Variants in PPP2R1B observed in about 807,000 individuals in gnomAD.
PPP2R1B encodes serine/threonine-protein phosphatase 2A 65 kDa regulatory subunit A beta isoform.
Under a neutral mutation model 72.7 loss-of-function variants are expected in PPP2R1B, and 58 were observed. That is an observed-to-expected ratio of 0.80 (90% CI 0.65 to 0.99). The LOEUF (loss-of-function observed/expected upper bound fraction) is 0.99, where lower values mean the gene tolerates loss of function less well. Among genes scored for constraint, PPP2R1B ranks in the 50% least tolerant of loss-of-function variants. The pLI is 0.00. For synonymous variants in PPP2R1B, 256 were observed against 264.6 expected, an observed-to-expected ratio of 0.97 and a Z score of 0.32; for missense variants, 695 against 733.6, an observed-to-expected ratio of 0.95 and a Z score of 0.61.
the PPP2R1B span, among the ~76,000 whole-genome samples, chr11:111,706,134 T>A: frequency 1.3e-5 from 2 of 152,110 alleles, no homozygotes; most frequent in Non-Finnish European, 2.9e-5. Flanking sequence ...GTAATGGGGA[T>A]AATAATAGAA....
rs79704156 is a variant in PPP2R1B at position 111,763,234 on chromosome 11, T to G, written c.306+1571A>C. 5.3e-5 allele frequency among the ~76,000 whole-genome samples: 8 copies of G among 152,312 alleles called. No individual in the cohort carries two copies. The East Asian group carries it at 1.3e-3, about 26-fold the overall frequency. On this transcript the variant is annotated intron_variant, in intron 3 of 14. Transcript: ENST00000527614. Reference sequence around the variant, plus strand: ...TAGGGCAAAGGTCCTAAGGGAATAATGAGCTTGGTTAGTTCAAAAAACAGA... The same window carrying G: ...TAGGGCAAAGGTCCTAAGGGAATAAGGAGCTTGGTTAGTTCAAAAAACAGA...
Position 111,755,453 on chromosome 11 carries a change from A to C in PPP2R1B, c.688-3T>G. 1.3e-6 allele frequency: 2 copies of C among 1,595,082 alleles called. No individual in the cohort carries two copies. The highest frequency in any genetic ancestry group is 1.7e-6 in the Non-Finnish European group (2 of 1,174,548). On this transcript the variant is annotated splice_region_variant and splice_polypyrimidine_tract_variant and intron_variant, in intron 5 of 14. Coordinates refer to ENST00000527614, the MANE Select transcript of PPP2R1B (RefSeq NM_002716.5). ...ACAGCAAGGAGGCGCACTGAATCCT[A>C]AAGGAACAAAATTTCTGTAATTCAG...
At chr11:111,727,150 A>C in intron 15 of PPP2R1B, 1 of 1,038,874 alleles carries the variant, frequency 9.6e-7, no homozygotes, top group Admixed American at 1.9e-5. Flanking sequence ...CCCCCTCGCC[A>C]CCTCTGCCTG....
At chr11:111,712,392 G>A in the PPP2R1B span, 1 of 1,608,534 alleles carries the variant, frequency 6.2e-7, no homozygotes. Flanking sequence ...CTATGTTTGA[G>A]AGTCTCAGAA....
intron 15 of PPP2R1B, chr11:111,729,885 T>C (rs775198406): frequency 2.0e-5 from 3 of 152,266 alleles, no homozygotes; most frequent in Middle Eastern, 3.2e-3. Flanking sequence ...AAGTTTAGGC[T>C]CACCTCAAAG....
chr11:111,695,447 G>A, the PPP2R1B span, among the ~76,000 whole-genome samples: 7,149 of 152,080 alleles, frequency 0.047, 554 homozygotes, highest in African/African-American at 0.16. Flanking sequence ...TTAACCTAAC[G>A]ATTTTCTTAT....
In PPP2R1B at chr11:111,755,023, G is replaced by A. The variant is rs1430111091; in HGVS notation, c.915C>T (p.Asp305=). 6.2e-6 allele frequency: 10 copies of A among 1,613,950 alleles called. No individual in the cohort carries two copies. In the African/African-American group the frequency reaches 1.3e-4, roughly 22 times the overall value. ...CAGCTGCCCGGACTTCAGCTTCACA[G>A]TCTTTAAGTAGGTTCTGAAAGGCGG... ...LIPAFQNLLK[D]CEAEVRAAAA... Residue 305 remains aspartate (D), a synonymous_variant, in exon 7 of 15, where the codon GAC becomes GAT. Transcript: ENST00000527614.
chr11:111,737,675 T>C (rs568812377), downstream of PPP2R1B: 214 of 1,559,962 alleles, frequency 1.4e-4, no homozygotes, highest in Middle Eastern at 1.5e-3. Flanking sequence ...GCCAGCAGAG[T>C]TGGGTGTCCA....
chr11:111,732,979 T>C (rs1354778157), downstream of PPP2R1B, among the ~76,000 whole-genome samples: 2 of 152,170 alleles, frequency 1.3e-5, no homozygotes, highest in Non-Finnish European at 2.9e-5. Context: ...ACAGGAATCA[T>C]CCTGGACAAC....
intron 3 of PPP2R1B, among the ~76,000 whole-genome samples, chr11:111,761,450 A>C (rs147773380): frequency 1.4e-3 from 210 of 152,340 alleles, no homozygotes; most frequent in Non-Finnish European, 2.5e-3. Flanking sequence ...CCACAAATAC[A>C]GGATAACAGC....
rs1945075422 is a variant in PPP2R1B, at chr11:111,755,520, A to G, written c.688-70T>C. The G allele has an allele frequency of 1.3e-5, 18 of 1,432,872 alleles. No homozygotes were observed. The South Asian group carries it at 2.6e-4, about 21-fold the overall frequency. The allele number at this position is 1,432,872 out of a possible 1,614,324, so 88.8% of individuals were successfully genotyped here. A position where few individuals can be genotyped will look rare whatever the true frequency, so the allele number is the denominator to read the frequency against. Reference sequence around the variant, plus strand: ...ATGGGGAACTGCTGTGGGGTGGTGCAGGTGTTTAAAAAAATTAACACCACC... The same window carrying G: ...ATGGGGAACTGCTGTGGGGTGGTGCGGGTGTTTAAAAAAATTAACACCACC... On this transcript the variant is annotated intron_variant, in intron 5 of 14. Coordinates refer to ENST00000527614, the MANE Select transcript of PPP2R1B (RefSeq NM_002716.5).
chr11:111,705,588 G>C, the PPP2R1B span, among the ~76,000 whole-genome samples: 2 of 152,146 alleles, frequency 1.3e-5, no homozygotes, highest in African/African-American at 2.4e-5. The surrounding 1 kb of genome is among the most constrained non-coding windows in gnomAD (Gnocchi z 4.3). Context: ...GCAGAGCAGG[G>C]ACAGGGGAGA....
chr11:111,690,085 TC>T, the PPP2R1B span, among the ~76,000 whole-genome samples: 1 of 152,106 alleles, frequency 6.6e-6, no homozygotes, highest in African/African-American at 2.4e-5. Context: ...TAGAATACTT[TC>T]ATAGTTTATG....
chr11:111,751,465 G>C (rs1398931101), intron 10 of PPP2R1B, among the ~76,000 whole-genome samples: 1 of 152,128 alleles, frequency 6.6e-6, no homozygotes, highest in East Asian at 1.9e-4. Context: ...AATCCAAAAT[G>C]TGAAATGCTC....
At chr11:111,693,930 T>C in the PPP2R1B span, among the ~76,000 whole-genome samples, 1 of 152,354 alleles carries the variant, frequency 6.6e-6, no homozygotes. Context: ...ACTTACTAGC[T>C]TTGTGACCTT....
Position 111,761,116 on chromosome 11 carries a change from C to T in PPP2R1B, c.307-65G>A, listed in dbSNP as rs540210875. Reference sequence around the variant, plus strand: ...TTGAATCAGGTTAGAAACAGATAATCACCTTTTAAAGTGACTGAAGGGAGG... The same window carrying T: ...TTGAATCAGGTTAGAAACAGATAATTACCTTTTAAAGTGACTGAAGGGAGG... On this transcript the variant is annotated intron_variant, in intron 3 of 14. Coordinates refer to ENST00000527614, the MANE Select transcript of PPP2R1B (RefSeq NM_002716.5). 73 of 1,368,530 alleles carry T rather than the reference C, an allele frequency of 5.3e-5. No individual in the cohort carries two copies. The African/African-American group carries it at 9.6e-4, about 18-fold the overall frequency. 84.8% of individuals were successfully genotyped at this position (1,368,530 alleles called of 1,614,324 possible).
chr11:111,754,594 A>C (rs782409954), intron 7 of PPP2R1B, 25 bp from the exon 8 acceptor site: 3 of 1,589,672 alleles, frequency 1.9e-6, no homozygotes, highest in Non-Finnish European at 2.6e-6. Context: ...GAAAAAAAGA[A>C]TGCTTTCACA....
chr11:111,729,148 G>A (rs1944095361), intron 15 of PPP2R1B: 2 of 152,104 alleles, frequency 1.3e-5, no homozygotes, highest in South Asian at 4.1e-4. Flanking sequence ...TACCATTTTT[G>A]TCCTAATTAA....
At chr11:111,717,490 A>G in the PPP2R1B span, among the ~76,000 whole-genome samples, 12 of 152,172 alleles carry the variant, frequency 7.9e-5, no homozygotes, top group Admixed American at 2.0e-4. Context: ...TTACACTGTT[A>G]GTGGGAGTGT....
Sources: allele counts gnomAD v4.1 joint callset (sites outside exome capture counted in the v4.1 genomes callset), GRCh38; gene constraint gnomAD v4.1.1; non-coding constraint Gnocchi (gnomAD v3.1); transcripts MANE v1.5; gene names NCBI Gene and HGNC (gene_info 2026-07-23, HGNC 2026-07-21).